GLI3: variants seen among roughly 807,000 people sequenced by gnomAD.
The protein encoded by GLI3 is transcription activator GLI3.
In GLI3, 20 loss-of-function variants were observed where a neutral mutation model predicts 100.8. The observed-to-expected ratio is 0.20, with a 90% CI of 0.14 to 0.29. The LOEUF is 0.29. Among genes scored for constraint, GLI3 ranks in the 10% least tolerant of loss-of-function variants. The pLI, the probability that GLI3 is intolerant of heterozygous loss-of-function variation, is 1.00. For missense variants in GLI3, 2,040 were observed against 2,128.5 expected, an observed-to-expected ratio of 0.96 and a Z score of 0.82; for synonymous variants, 938 against 860.5, an observed-to-expected ratio of 1.09 and a Z score of -1.58.
chr7:42,153,168 A>G (rs1410386355), intron 2 of GLI3, among the ~76,000 whole-genome samples: 2 of 152,200 alleles, frequency 1.3e-5, no homozygotes, highest in Non-Finnish European at 2.9e-5. Flanking sequence ...GGTTGAAAGC[A>G]AGCTCTTTCC....
At chr7:42,061,551 G>T (rs1784569351) in intron 4 of GLI3, among the ~76,000 whole-genome samples, 2 of 152,084 alleles carry the variant, frequency 1.3e-5, no homozygotes, top group African/African-American at 4.8e-5. Context: ...GTTTGCTAGG[G>T]CCATTGGTCC....
chr7:42,023,856 A>T (rs999298136), intron 9 of GLI3, among the ~76,000 whole-genome samples: 1 of 152,170 alleles, frequency 6.6e-6, no homozygotes, highest in African/African-American at 2.4e-5. Flanking sequence ...TTGAGGTCAA[A>T]CTTTGCTGCC....
At chr7:42,086,841 C>T (rs748926678) in intron 3 of GLI3, among the ~76,000 whole-genome samples, 5 of 152,160 alleles carry the variant, frequency 3.3e-5, no homozygotes, top group Non-Finnish European at 5.9e-5. Flanking sequence ...TGCCCTCTGA[C>T]GGCCCTGTGC....
chr7:42,109,898 A>T (rs960442677), intron 3 of GLI3, among the ~76,000 whole-genome samples: 5 of 152,262 alleles, frequency 3.3e-5, no homozygotes, highest in Admixed American at 2.0e-4. Context: ...ACTGACCAAG[A>T]AAACAGTAAG....
intron 6 of GLI3, among the ~76,000 whole-genome samples, chr7:42,043,325 G>A (rs1784181262): frequency 6.6e-6 from 1 of 152,144 alleles, no homozygotes; most frequent in Non-Finnish European, 1.5e-5. Context: ...CCTTTAATAT[G>A]TTCTTCCCAA....
Position 42,187,371 on chromosome 7 carries a change from G to A in GLI3, c.124+35759C>T, listed in dbSNP as rs188753952. ...ATTGTTTAATATTTGTATTAACAAG[G>A]AAGAAGAAATCAAGAATAAGTTTAT... On this transcript the variant is annotated intron_variant, in intron 2 of 14. Transcript: ENST00000395925. Among the ~76,000 whole-genome samples, 5 of 152,204 alleles carry A rather than the reference G, an allele frequency of 3.3e-5. No homozygotes were observed. In the East Asian group the frequency reaches 5.8e-4, roughly 18 times the overall value.
chr7:42,229,136 C>T (rs1788643408), intron 1 of GLI3, among the ~76,000 whole-genome samples: 1 of 152,196 alleles, frequency 6.6e-6, no homozygotes, highest in African/African-American at 2.4e-5. Flanking sequence ...TGAAGTCGAA[C>T]AGCATCCTTC....
At chr7:42,000,078 G>A (rs1788243582) in intron 10 of GLI3, among the ~76,000 whole-genome samples, 1 of 152,210 alleles carries the variant, frequency 6.6e-6, no homozygotes, top group South Asian at 2.1e-4. Flanking sequence ...GCTGAGCCAA[G>A]CACGCTCATC....
Position 42,026,086 on chromosome 7 carries a change from G to C in GLI3, c.1242+113C>G, listed in dbSNP as rs80066622. On this transcript the variant is annotated intron_variant, in intron 8 of 14. Coordinates refer to ENST00000395925, the MANE Select transcript of GLI3 (RefSeq NM_000168.6). ...TCAGCATTAAGAAGACAGGATGCTAGTACAGAGGCTGTGAGAACACAGAGG... is the reference window on the plus strand; with the variant it reads ...TCAGCATTAAGAAGACAGGATGCTACTACAGAGGCTGTGAGAACACAGAGG... The C allele has an allele frequency of 1.2e-4, 85 of 736,582 alleles. No individual in the cohort carries two copies. The African/African-American group carries it at 1.3e-3, about 11-fold the overall frequency. 45.6% of individuals were successfully genotyped at this position (736,582 alleles called of 1,614,324 possible).
At chr7:42,219,853 CTTTT>C (rs769305998) in intron 2 of GLI3, among the ~76,000 whole-genome samples, 5 of 133,706 alleles carry the variant, frequency 3.7e-5, no homozygotes, top group Admixed American at 7.5e-5. Flanking sequence ...AAACTGAACT[CTTTT>C]TTTTTTTTTT....
At chr7:42,010,553 T>C (rs766011227) in intron 10 of GLI3, among the ~76,000 whole-genome samples, 8 of 152,200 alleles carry the variant, frequency 5.3e-5, no homozygotes, top group Non-Finnish European at 1.0e-4. Flanking sequence ...CTGAAGTTTC[T>C]GATGAAGTGT....
At chr7:42,206,745 A>G (rs766198219) in intron 2 of GLI3, among the ~76,000 whole-genome samples, 5 of 152,226 alleles carry the variant, frequency 3.3e-5, no homozygotes, top group Non-Finnish European at 7.4e-5. Context: ...AAGAATAGAC[A>G]GGTTGATCAT....
chr7:42,223,305 A>G lies in GLI3; in HGVS notation c.-42-10T>C, dbSNP rs755528504. ...TTCGACCAAAAATGCCCTAAAGAAA[A>G]CAACAGAGCCATCAACTTTCCAAAA... On this transcript the variant is annotated splice_polypyrimidine_tract_variant and intron_variant, in intron 1 of 14. Coordinates refer to ENST00000395925, the MANE Select transcript of GLI3 (RefSeq NM_000168.6). 3.2e-6 allele frequency: 5 copies of G among 1,562,532 alleles called. No homozygotes were observed. In the Admixed American group the frequency reaches 8.4e-5, roughly 26 times the overall value.
chr7:42,018,347 T>C (rs1196808189), intron 10 of GLI3, among the ~76,000 whole-genome samples: 1 of 152,236 alleles, frequency 6.6e-6, no homozygotes, highest in African/African-American at 2.4e-5. Context: ...ATTTGTTTTA[T>C]GTTTTATGTG....
At position 42,162,911 on chromosome 7, in the gene GLI3, T is replaced by C. The variant is rs562834526; in HGVS notation, c.125-14443A>G. ...CATTTCTGTTTCCCTTTCTATGCAT[T>C]ACTGTCTCTGAAGTCCTGGGGAGGA... On this transcript the variant is annotated intron_variant, in intron 2 of 14. Transcript: ENST00000395925. Among the ~76,000 whole-genome samples, 6 of 151,802 alleles carry C rather than the reference T, an allele frequency of 4.0e-5. 1 individual carries two copies. In the South Asian group the frequency reaches 1.3e-3, roughly 32 times the overall value.
chr7:42,012,998 A>T (rs762555624), intron 10 of GLI3, among the ~76,000 whole-genome samples: 35 of 152,192 alleles, frequency 2.3e-4, no homozygotes, highest in Non-Finnish European at 5.1e-4. Flanking sequence ...AAGAAACACC[A>T]TGTCCCTTTA....
intron 1 of GLI3, among the ~76,000 whole-genome samples, chr7:42,248,501 A>G (rs1260375080): frequency 6.6e-6 from 1 of 152,202 alleles, no homozygotes; most frequent in Non-Finnish European, 1.5e-5. Context: ...TGGAGATAAG[A>G]AAATTTAAAT....
chr7:42,198,395 C>T (rs936105295), intron 2 of GLI3, among the ~76,000 whole-genome samples: 1 of 152,146 alleles, frequency 6.6e-6, no homozygotes, highest in African/African-American at 2.4e-5. Flanking sequence ...TCCAGGAGCA[C>T]AAGCGAGAAA....
intron 10 of GLI3, among the ~76,000 whole-genome samples, chr7:41,982,030 C>T (rs1470247440): frequency 6.6e-6 from 1 of 152,166 alleles, no homozygotes; most frequent in African/African-American, 2.4e-5. Flanking sequence ...GCACTTAAAG[C>T]AACCTCATTT....
Sources: gnomAD v4.1 joint callset for allele counts (sites outside exome capture counted in the v4.1 genomes callset) on GRCh38, gnomAD v4.1.1 for gene constraint, MANE v1.5 for transcripts, NCBI Gene and HGNC (gene_info 2026-07-23, HGNC 2026-07-21) for gene names.